The following ARL5B variants were observed in gnomAD, a reference collection of about 807,000 sequenced individuals.
The protein encoded by ARL5B is ADP-ribosylation factor-like protein 5B.
Under a neutral mutation model 26.9 loss-of-function variants are expected in ARL5B, and 10 were observed. The observed-to-expected ratio is 0.37, with a 90% CI of 0.23 to 0.63. ARL5B has a LOEUF of 0.63. Ranked by LOEUF, ARL5B falls within the 30% of genes least tolerant of loss-of-function variation. ARL5B has a pLI of 0.62. For synonymous variants in ARL5B, 87 were observed against 70.4 expected (o/e 1.24, Z -1.18); for missense variants, 167 against 213.9 (o/e 0.78, Z 1.37).
chr10:18,675,126 G>A (rs2059904638), intron 5 of ARL5B, 42 bp from the exon 6 acceptor site: 7 of 1,581,398 alleles, frequency 4.4e-6, no homozygotes, highest in African/African-American at 1.3e-5. Flanking sequence ...CAGTTTTTAA[G>A]TATAAGGTTT....
Position 18,659,672 on chromosome 10 carries a change from T to G in ARL5B, c.35T>G (p.Phe12Cys), listed in dbSNP as rs976875294. The G allele has an allele frequency of 1.2e-6, 2 of 1,613,188 alleles. No individual in the cohort carries two copies. Among genetic ancestry groups the G allele is most frequent in the Admixed American group, 3.3e-5 (2 of 59,952 alleles). Reference sequence around the variant, plus strand: ...ATCTTCGCCAAACTGTGGAGCCTCTTCTGTAACCAAGGTGAGAAGAATGGA... The same window carrying G: ...ATCTTCGCCAAACTGTGGAGCCTCTGCTGTAACCAAGGTGAGAAGAATGGA... ...GLIFAKLWSL[F>C]CNQEHKVIIV... The change falls in exon 1 of 6, where the codon TTC becomes TGC. Residue 12 changes from phenylalanine (F) to cysteine (C), a missense_variant. Transcript: ENST00000377275.
chr10:18,660,661 T>C (rs955029246), intron 1 of ARL5B, among the ~76,000 whole-genome samples: 32 of 152,188 alleles, frequency 2.1e-4, no homozygotes, highest in African/African-American at 7.7e-4. Context: ...TGACTTGTTC[T>C]GTAGATTGAT....
intron 1 of ARL5B, among the ~76,000 whole-genome samples, chr10:18,660,904 G>A (rs1216050963): frequency 6.6e-6 from 1 of 152,146 alleles, no homozygotes; most frequent in Non-Finnish European, 1.5e-5. Flanking sequence ...CTTCAGTGCA[G>A]TGGCGCAATC....
intron 3 of ARL5B, among the ~76,000 whole-genome samples, chr10:18,671,628 TCATCTCCTC>T (rs1163993089): frequency 2.0e-5 from 3 of 151,828 alleles, no homozygotes; most frequent in African/African-American, 7.3e-5. Flanking sequence ...TTTCGCTGTA[TCATCTCCTC>T]CATCTCCTCC....
At chr10:18,669,552 T>C (rs189047694) in intron 3 of ARL5B, among the ~76,000 whole-genome samples, 7 of 152,294 alleles carry the variant, frequency 4.6e-5, no homozygotes, top group Admixed American at 1.3e-4. Flanking sequence ...TTATTTCTTA[T>C]TAGAGGCAGA....
At chr10:18,666,119 A>G (rs1281270503) in intron 1 of ARL5B, among the ~76,000 whole-genome samples, 1 of 152,250 alleles carries the variant, frequency 6.6e-6, no homozygotes, top group Non-Finnish European at 1.5e-5. Context: ...TTTTTAAGTG[A>G]GAGGAAGAAA....
chr10:18,664,345 C>T (rs2059850918), intron 1 of ARL5B, among the ~76,000 whole-genome samples: 1 of 151,868 alleles, frequency 6.6e-6, no homozygotes, highest in African/African-American at 2.4e-5. Context: ...CCTTGGCCTC[C>T]CAAAGTGTTG....
In ARL5B at chr10:18,659,504, T is replaced by A; in HGVS notation, c.-134T>A. On this transcript the variant is annotated 5_prime_UTR_variant, in exon 1 of 6. Transcript: ENST00000377275. Reference sequence around the variant, plus strand: ...TTCTGAGTGGTCGGGTCGAGGCTTCTCGGCCTAGCAGTGCCCTCGCTGCGC... The same window carrying A: ...TTCTGAGTGGTCGGGTCGAGGCTTCACGGCCTAGCAGTGCCCTCGCTGCGC... 1 of 1,183,686 alleles carries A rather than the reference T, an allele frequency of 8.4e-7. No homozygotes were observed. Among genetic ancestry groups the A allele is most frequent in the African/African-American group, 1.6e-5 (1 of 61,486 alleles). 73.3% of individuals were successfully genotyped at this position (1,183,686 alleles called of 1,614,324 possible).
Position 18,675,107 on chromosome 10 carries a change from G to A in ARL5B, c.492-61G>A, listed in dbSNP as rs2059904556. On this transcript the variant is annotated intron_variant, in intron 5 of 5. Coordinates refer to ENST00000377275, the MANE Select transcript of ARL5B (RefSeq NM_178815.5). ...TTTGGTTAAGACCTAAAAATAATAA[G>A]TACGCTTTCAGTTTTTAAGTATAAG... 23 of 1,499,402 alleles carry A rather than the reference G, an allele frequency of 1.5e-5. 1 individual carries two copies. The South Asian group carries it at 2.6e-4, about 17-fold the overall frequency. 92.9% of individuals were successfully genotyped at this position (1,499,402 alleles called of 1,614,324 possible).
intron 4 of ARL5B, among the ~76,000 whole-genome samples, chr10:18,672,971 A>T (rs11015533): frequency 0.048 from 7,383 of 152,302 alleles, 278 homozygotes; most frequent in Non-Finnish European, 0.077. Context: ...TGCCTTTAAA[A>T]GTCTGATAAA....
intron 1 of ARL5B, chr10:18,659,909 A>G (rs1311791129): frequency 4.1e-6 from 4 of 985,242 alleles, no homozygotes; most frequent in Non-Finnish European, 4.8e-6. Context: ...GGCGTCCCAG[A>G]ATCCAAACTG....
intron 1 of ARL5B, among the ~76,000 whole-genome samples, chr10:18,662,811 C>T (rs1157345574): frequency 1.3e-5 from 2 of 151,360 alleles, no homozygotes; most frequent in Non-Finnish European, 2.9e-5. Flanking sequence ...TCAAGCAATT[C>T]TCCTGCCTCA....
intron 4 of ARL5B, 58 bp downstream of exon 4, chr10:18,672,763 T>C: frequency 8.3e-7 from 1 of 1,199,076 alleles, no homozygotes. Flanking sequence ...GTACGTTGCC[T>C]TTGCTTTTTT....
At chr10:18,668,396 C>A in intron 2 of ARL5B, 134 bp from the exon 3 acceptor site, 3 of 849,826 alleles carry the variant, frequency 3.5e-6, no homozygotes, top group Non-Finnish European at 5.3e-6. Context: ...AAGTGTTCTC[C>A]AGGTTTATAA....
rs77020469 is a variant in ARL5B, at chr10:18,661,215, T to C, written c.46+1532T>C. Among the ~76,000 whole-genome samples, 546 of 152,330 alleles carry C rather than the reference T, an allele frequency of 3.6e-3. 6 individuals carry two copies. The highest frequency in any genetic ancestry group is 0.012 in the African/African-American group (514 of 41,574). ...AATACAAAAATCACCAGTTTTCTCT[T>C]TCCCCTGAGCTGGAGAATCGAAACG... On this transcript the variant is annotated intron_variant, in intron 1 of 5. Coordinates refer to ENST00000377275, the MANE Select transcript of ARL5B (RefSeq NM_178815.5).
intron 1 of ARL5B, among the ~76,000 whole-genome samples, chr10:18,664,888 A>G (rs1354474205): frequency 6.6e-6 from 1 of 152,164 alleles, no homozygotes; most frequent in African/African-American, 2.4e-5. Context: ...TTGTTTGCAA[A>G]TGACCTGGGT....
intron 1 of ARL5B, among the ~76,000 whole-genome samples, chr10:18,665,054 G>T (rs910742345): frequency 6.6e-6 from 1 of 152,172 alleles, no homozygotes; most frequent in African/African-American, 2.4e-5. Flanking sequence ...TGCTTGGTAG[G>T]TGGAGCTTCT....
intron 3 of ARL5B, 131 bp downstream of exon 3, chr10:18,668,808 T>C: frequency 1.0e-6 from 1 of 985,420 alleles, no homozygotes; most frequent in Non-Finnish European, 1.4e-6. Flanking sequence ...TCTTGCTCTG[T>C]CGCCAGGCTA....
rs1195616520 is a variant in ARL5B at position 18,676,415 on chromosome 10, TTAAAA to T, written c.*1201_*1205del. 4 of 151,946 alleles carry T rather than the reference TTAAAA, an allele frequency of 2.6e-5. No individual in the cohort carries two copies. The highest frequency in any genetic ancestry group is 6.6e-5 in the Admixed American group (1 of 15,240). 9.4% of individuals were successfully genotyped at this position (151,946 alleles called of 1,614,324 possible). A position where few individuals can be genotyped will look rare whatever the true frequency, so the allele number is the denominator to read the frequency against. ...ACTCAAAGTTAATATTCTTAACAAC[TTAAAA>T]TTAAAAAAAGTCATAATCTATCAAA... On this transcript the variant is annotated 3_prime_UTR_variant, in exon 6 of 6. Coordinates refer to ENST00000377275, the MANE Select transcript of ARL5B (RefSeq NM_178815.5).
Sources: allele counts gnomAD v4.1 joint callset (sites outside exome capture counted in the v4.1 genomes callset), GRCh38; gene constraint gnomAD v4.1.1; transcripts MANE v1.5; gene names NCBI Gene and HGNC (gene_info 2026-07-23, HGNC 2026-07-21).